Variants in MYO16 observed in about 807,000 individuals in gnomAD.
The protein encoded by MYO16 is unconventional myosin-XVI.
MYO16 carries 94 observed loss-of-function variants against 205.3 expected under a neutral mutation model. The ratio of observed to expected loss-of-function variants is 0.46; its 90% CI spans 0.39 to 0.54. MYO16 has a LOEUF of 0.54. Ranked by LOEUF, MYO16 falls within the 20% of genes least tolerant of loss-of-function variation. The probability of loss-of-function intolerance (pLI) is 0.00; values close to 1 mark genes in which losing one functional copy is unlikely to be tolerated. For synonymous variants in MYO16, 988 were observed against 954.0 expected (o/e 1.04, Z -0.66); for missense variants, 2,315 against 2,387.5 (o/e 0.97, Z 0.63).
chr13:108,956,548 C>G lies in MYO16; in HGVS notation c.1926-1140C>G, dbSNP rs1445210600. On this transcript the variant is annotated intron_variant, in intron 16 of 34. Transcript: ENST00000457511. ...TTTTTTTTCCAAGCTATACAAAGCC[C>G]TGGCTACTTCTCCAATCTCATCAAT... 4.6e-5 allele frequency among the ~76,000 whole-genome samples: 7 copies of G among 152,308 alleles called. No individual in the cohort carries two copies. In the East Asian group the frequency reaches 1.2e-3, roughly 25 times the overall value.
intron 16 of MYO16, among the ~76,000 whole-genome samples, chr13:108,923,277 T>G (rs1179179062): frequency 6.6e-6 from 1 of 152,150 alleles, no homozygotes; most frequent in Non-Finnish European, 1.5e-5. Flanking sequence ...AGAACACGGT[T>G]GAAAACAGAT....
At chr13:108,783,408 G>A (rs762129874) in intron 4 of MYO16, among the ~76,000 whole-genome samples, 8 of 152,180 alleles carry the variant, frequency 5.3e-5, no homozygotes, top group Admixed American at 1.3e-4. Context: ...TAAGAAGTAA[G>A]TAGCTTGCTT....
At chr13:108,761,017 G>A (rs1885589071) in intron 4 of MYO16, among the ~76,000 whole-genome samples, 1 of 151,974 alleles carries the variant, frequency 6.6e-6, no homozygotes, top group Non-Finnish European at 1.5e-5. Context: ...ATTCTTTTTT[G>A]TGGTTGAATA....
Position 109,132,140 on chromosome 13 carries a change from A to T in MYO16, c.4051+4590A>T, listed in dbSNP as rs560715016. On this transcript the variant is annotated intron_variant, in intron 31 of 34. Transcript: ENST00000457511. Reference sequence around the variant, plus strand: ...TAAATCCTAAGATGTGGGACTTGCAATTAAGTCATGATGTCAGTGGTGCTG... The same window carrying T: ...TAAATCCTAAGATGTGGGACTTGCATTTAAGTCATGATGTCAGTGGTGCTG... Among the ~76,000 whole-genome samples, 258 of 152,342 alleles carry T rather than the reference A, an allele frequency of 1.7e-3. 1 individual carries two copies. Among genetic ancestry groups the T allele is most frequent in the African/African-American group, 5.7e-3 (238 of 41,578 alleles).
In MYO16 at chr13:109,176,577, T is replaced by TAAAAAAAAAAAAAAAAAAAAAAAAAAAAA. The variant is rs36054088; in HGVS notation, c.5324-2941_5324-2940insAAAAAAAAAAAAAAAAAAAAAAAAAAAAA. 1.1e-4 allele frequency among the ~76,000 whole-genome samples: 5 copies of TAAAAAAAAAAAAAAAAAAAAAAAAAAAAA among 44,950 alleles called. 1 individual carries two copies. Among genetic ancestry groups the TAAAAAAAAAAAAAAAAAAAAAAAAAAAAA allele is most frequent in the Admixed American group, 3.2e-4 (1 of 3,130 alleles). The allele number at this position is 44,950 out of a possible 152,430, so 29.5% of individuals were successfully genotyped here. A position where few individuals can be genotyped will look rare whatever the true frequency, so the allele number is the denominator to read the frequency against. On this transcript the variant is annotated intron_variant, in intron 33 of 34. Transcript: ENST00000457511. ...GCAGCTAAATAAAATATTGTGCTGG[T>TAAAAAAAAAAAAAAAAAAAAAAAAAAAAA]AAAAAAAAAAAAAAAAAAAAAAAAG...
intron 34 of MYO16, among the ~76,000 whole-genome samples, chr13:109,192,009 AAATTC>A (rs1413104231): frequency 6.6e-6 from 1 of 152,230 alleles, no homozygotes; most frequent in Non-Finnish European, 1.5e-5. Context: ...TTTGAAAGCG[AAATTC>A]AGGCTAAAAT....
At chr13:108,832,957 G>A (rs1055331405) in intron 9 of MYO16, among the ~76,000 whole-genome samples, 1 of 152,098 alleles carries the variant, frequency 6.6e-6, no homozygotes, top group African/African-American at 2.4e-5. Context: ...AGTGCACAAA[G>A]AGAAATGTCA....
chr13:109,028,317 A>G, intron 23 of MYO16: 2 of 236,610 alleles, frequency 8.5e-6, no homozygotes, highest in South Asian at 4.9e-5. Flanking sequence ...TAAATACAGA[A>G]AATTGAGATA....
chr13:109,022,697 TTTATATA>T (rs749630895), intron 23 of MYO16, among the ~76,000 whole-genome samples: 6,952 of 128,758 alleles, frequency 0.054, 507 homozygotes, highest in Non-Finnish European at 0.063. Flanking sequence ...CATGTATATA[TTTATATA>T]TTATATATAC....
chr13:108,851,987 C>A (rs1045383595), intron 10 of MYO16, among the ~76,000 whole-genome samples: 1 of 152,182 alleles, frequency 6.6e-6, no homozygotes, highest in Non-Finnish European at 1.5e-5. Flanking sequence ...TCCCACACAC[C>A]CATCTCCTCC....
At chr13:109,148,535 C>A (rs1261355032) in intron 32 of MYO16, among the ~76,000 whole-genome samples, 3 of 152,232 alleles carry the variant, frequency 2.0e-5, no homozygotes, top group Non-Finnish European at 4.4e-5. Context: ...ACAGAAGGTG[C>A]ATCCACTTTC....
At chr13:108,495,914 T>G in the MYO16 span, among the ~76,000 whole-genome samples, 1 of 151,886 alleles carries the variant, frequency 6.6e-6, no homozygotes, top group African/African-American at 2.4e-5. Context: ...CGGCGGACCC[T>G]TCTCCGGCAG....
intron 2 of MYO16, among the ~76,000 whole-genome samples, chr13:108,707,968 C>G (rs1455293032): frequency 6.6e-6 from 1 of 152,154 alleles, no homozygotes; most frequent in African/African-American, 2.4e-5. Flanking sequence ...GACAAAAACT[C>G]AGCTAAAGCA....
intron 7 of MYO16, among the ~76,000 whole-genome samples, chr13:108,813,312 G>A (rs1245219776): frequency 6.6e-6 from 1 of 152,164 alleles, no homozygotes; most frequent in African/African-American, 2.4e-5. Flanking sequence ...GGTTCTCAGA[G>A]TTAGAGACAT....
intron 32 of MYO16, among the ~76,000 whole-genome samples, chr13:109,159,349 G>A (rs942393309): frequency 6.6e-6 from 1 of 152,222 alleles, no homozygotes; most frequent in South Asian, 2.1e-4. Context: ...GATCATTGTG[G>A]TGCGTGGCTT....
chr13:109,117,648 G>A lies in MYO16; in HGVS notation c.3439-2722G>A, dbSNP rs370877208. Among the ~76,000 whole-genome samples the A allele has an allele frequency of 1.1e-4, 17 of 151,892 alleles. No homozygotes were observed. The East Asian group carries it at 3.3e-3, about 29-fold the overall frequency. Reference sequence around the variant, plus strand: ...TCAAAGCCCTAAAGGAAGTGGAAAGGTGGATATCAAAACTCTAGTAATGGA... The same window carrying A: ...TCAAAGCCCTAAAGGAAGTGGAAAGATGGATATCAAAACTCTAGTAATGGA... On this transcript the variant is annotated intron_variant, in intron 28 of 34. Coordinates refer to ENST00000457511, the MANE Select transcript of MYO16 (RefSeq NM_001198950.3).
intron 3 of MYO16, among the ~76,000 whole-genome samples, chr13:108,725,697 G>A (rs967445414): frequency 3.3e-5 from 5 of 152,076 alleles, no homozygotes; most frequent in African/African-American, 1.2e-4. Context: ...TGCAAGTGCT[G>A]ATCATTATTC....
In MYO16 at chr13:108,733,700, C is replaced by T. The variant is rs189378542; in HGVS notation, c.507+6117C>T. On this transcript the variant is annotated intron_variant, in intron 4 of 34. Coordinates refer to ENST00000457511, the MANE Select transcript of MYO16 (RefSeq NM_001198950.3). ...GTAGAGGGCCGGGCGTGGTGGATCA[C>T]ACATGTAATCCCAGCACTTTGGGAG... Among the ~76,000 whole-genome samples the T allele has an allele frequency of 4.3e-4, 66 of 152,230 alleles. No homozygotes were observed. The East Asian group carries it at 0.01, about 24-fold the overall frequency.
intron 1 of MYO16, among the ~76,000 whole-genome samples, chr13:108,655,580 A>T (rs528626089): frequency 2.6e-5 from 4 of 152,232 alleles, no homozygotes; most frequent in Non-Finnish European, 5.9e-5. Context: ...GAGAGCCACC[A>T]TCTTCCAGAC....
Sources: allele counts gnomAD v4.1 joint callset (sites outside exome capture counted in the v4.1 genomes callset), GRCh38; gene constraint gnomAD v4.1.1; transcripts MANE v1.5; gene names NCBI Gene and HGNC (gene_info 2026-07-23, HGNC 2026-07-21).